The following ABCA3 variants were observed in gnomAD, a reference collection of about 807,000 sequenced individuals.
ABCA3 encodes ATP binding cassette subfamily A member 3, also known as phospholipid-transporting ATPase ABCA3.
A neutral mutation model predicts 172.8 loss-of-function variants in ABCA3; 88 were observed. The observed-to-expected ratio is 0.51, with a 90% CI of 0.43 to 0.61. The LOEUF is 0.61. Among genes scored for constraint, ABCA3 ranks in the 20% least tolerant of loss-of-function variants. The probability of loss-of-function intolerance (pLI) is 0.00; values close to 1 mark genes in which losing one functional copy is unlikely to be tolerated. For missense variants in ABCA3, 2,164 were observed against 2,301.0 expected (o/e 0.94, Z 1.22); for synonymous variants, 1,066 against 983.8 (o/e 1.08, Z -1.56).
In ABCA3 at chr16:2,288,059, G is replaced by A. The variant is rs1201246030; in HGVS notation, c.2971C>T (p.Gln991Ter). ...QLSEHLKDAL[Q>*]AEGQEPREVL... ...TCGCGGGGCTCCTGTCCCTCAGCCT[G>A]CAGTGCGTCTTTCAGATGCTCTGAC... Residue 991 changes from glutamine (Q) to a stop codon, truncating the protein, a stop_gained, in exon 21 of 33, where the codon CAG becomes TAG. Transcript: ENST00000301732. LOFTEE classifies it high-confidence loss of function. 6.2e-7 allele frequency: 1 copy of A among 1,611,786 alleles called. No individual in the cohort carries two copies. Among genetic ancestry groups the A allele is most frequent in the Admixed American group, 1.7e-5 (1 of 60,014 alleles).
intron 19 of ABCA3, among the ~76,000 whole-genome samples, chr16:2,291,847 G>A (rs1214534849): frequency 1.3e-5 from 2 of 152,116 alleles, no homozygotes; most frequent in Non-Finnish European, 2.9e-5. Flanking sequence ...GCCAAGGTGG[G>A]CGGATCACCT....
chr16:2,292,371 G>A lies in ABCA3; in HGVS notation c.2415-133C>T, dbSNP rs964117387. On this transcript the variant is annotated intron_variant, in intron 18 of 32. Coordinates refer to ENST00000301732, the MANE Select transcript of ABCA3 (RefSeq NM_001089.3). ...CCCCAGCACTTTGGGACGCCAAGGC[G>A]GGCGGATCACCTGAGATCAGGAGTT... is the stretch of plus-strand genomic sequence containing the variant. The A allele has an allele frequency of 6.9e-5, 50 of 725,750 alleles. 1 individual carries two copies. Among genetic ancestry groups the A allele is most frequent in the South Asian group, 4.4e-4 (30 of 67,890 alleles). The allele number at this position is 725,750 out of a possible 1,614,324, so 45.0% of individuals were successfully genotyped here. A position where few individuals can be genotyped will look rare whatever the true frequency, so the allele number is the denominator to read the frequency against.
intron 20 of ABCA3, 35 bp downstream of exon 20, chr16:2,289,399 T>TACC: frequency 1.6e-5 from 24 of 1,544,178 alleles, no homozygotes; most frequent in Admixed American, 3.9e-5. Context: ...TGCTCGCCCT[T>TACC]CCCCCGCCAC....
At position 2,284,710 on chromosome 16, in the gene ABCA3, G is replaced by C; in HGVS notation, c.3703+69C>G. The C allele has an allele frequency of 6.6e-7, 1 of 1,512,560 alleles. No individual in the cohort carries two copies. The highest frequency in any genetic ancestry group is 9.0e-7 in the Non-Finnish European group (1 of 1,109,592). The allele number at this position is 1,512,560 out of a possible 1,614,324, so 93.7% of individuals were successfully genotyped here. On this transcript the variant is annotated intron_variant, in intron 24 of 32. Coordinates refer to ENST00000301732, the MANE Select transcript of ABCA3 (RefSeq NM_001089.3). The surrounding 1 kb of genome is among the most constrained non-coding windows in gnomAD (Gnocchi z 5.9). ...GAGTCCCGCCTCGGCTGTGGCTGGTGCCTCCCTGTCTGGGCGGAGTGGCTC... is the reference window on the plus strand; with the variant it reads ...GAGTCCCGCCTCGGCTGTGGCTGGTCCCTCCCTGTCTGGGCGGAGTGGCTC...
rs572593995 is a variant in ABCA3 at position 2,317,892 on chromosome 16, A to G, written c.874-128T>C. ...GCCCTGCATTCGACAGGGTCTTACT[A>G]TGTCGGCCAGGCTCATCTTGCTCAA... On this transcript the variant is annotated intron_variant, in intron 8 of 32. Transcript: ENST00000301732. The G allele has an allele frequency of 7.5e-6, 6 of 804,994 alleles. No homozygotes were observed. In the South Asian group the frequency reaches 9.3e-5, roughly 13 times the overall value. The allele number at this position is 804,994 out of a possible 1,614,324, so 49.9% of individuals were successfully genotyped here.
chr16:2,325,723 G>A (rs2093733096), intron 5 of ABCA3, among the ~76,000 whole-genome samples: 1 of 152,196 alleles, frequency 6.6e-6, no homozygotes, highest in Admixed American at 6.5e-5. Flanking sequence ...TTTCTAACCT[G>A]TTCTGCCCCA....
At chr16:2,298,022 G>A (rs916527218) in intron 15 of ABCA3, 101 bp from the exon 16 acceptor site, 1 of 1,109,028 alleles carries the variant, frequency 9.0e-7, no homozygotes, top group Admixed American at 2.5e-5. Flanking sequence ...GACGTAGCTG[G>A]GGAGATGCAG....
Position 2,283,868 on chromosome 16 carries a change from G to A in ABCA3, c.3862+411C>T, listed in dbSNP as rs1462092688. The A allele has an allele frequency of 4.2e-6, 1 of 238,936 alleles. No individual in the cohort carries two copies. Among genetic ancestry groups the A allele is most frequent in the Non-Finnish European group, 8.2e-6 (1 of 121,528 alleles). 14.8% of individuals were successfully genotyped at this position (238,936 alleles called of 1,614,324 possible). ...TGTCCTTATAAGAGAAATGCAGAAG[G>A]AGATTTGAGACAGGAGACAGGAGCT... On this transcript the variant is annotated intron_variant, in intron 25 of 32. Coordinates refer to ENST00000301732, the MANE Select transcript of ABCA3 (RefSeq NM_001089.3). The surrounding 1 kb of genome is among the most constrained non-coding windows in gnomAD (Gnocchi z 5.4).
chr16:2,330,310 A>T (rs2141745975), intron 1 of ABCA3, among the ~76,000 whole-genome samples: 2 of 145,478 alleles, frequency 1.4e-5, no homozygotes, highest in East Asian at 2.0e-4. Flanking sequence ...AAAAAAGAAT[A>T]TAAGCTCTAT....
chr16:2,325,975 C>G lies in ABCA3; in HGVS notation c.319+35G>C, dbSNP rs776699781. ...CCTGCCCAGCCGCGTGGAGGCACCA[C>G]TAGGCCTGGCACCGAGAGCCCCGGC... is the stretch of plus-strand genomic sequence containing the variant. On this transcript the variant is annotated intron_variant, in intron 5 of 32. Coordinates refer to ENST00000301732, the MANE Select transcript of ABCA3 (RefSeq NM_001089.3). The G allele has an allele frequency of 3.1e-6, 5 of 1,610,926 alleles. No individual in the cohort carries two copies. The Admixed American group carries it at 8.3e-5, about 27-fold the overall frequency.
rs45622939 is a variant in ABCA3, at chr16:2,322,182, G to C, written c.613+1341C>G. ...CACTGCACTCCAGCTTGGCGACAGA[G>C]CAAGATTCTGTCTGAAAAAAAAAAA... On this transcript the variant is annotated intron_variant, in intron 7 of 32. Coordinates refer to ENST00000301732, the MANE Select transcript of ABCA3 (RefSeq NM_001089.3). 6.8e-3 allele frequency among the ~76,000 whole-genome samples: 1,017 copies of C among 149,430 alleles called. 9 individuals carry two copies. Among genetic ancestry groups the C allele is most frequent in the African/African-American group, 0.024 (964 of 40,494 alleles).
At chr16:2,293,079 T>C (rs1369256280) in intron 18 of ABCA3, among the ~76,000 whole-genome samples, 2 of 151,874 alleles carry the variant, frequency 1.3e-5, no homozygotes, top group Non-Finnish European at 2.9e-5. Context: ...TTAGATGGAG[T>C]TTTGCTCTGT....
In ABCA3 at chr16:2,321,131, G is replaced by C. The variant is rs140690359; in HGVS notation, c.614-1291C>G. On this transcript the variant is annotated intron_variant, in intron 7 of 32. Coordinates refer to ENST00000301732, the MANE Select transcript of ABCA3 (RefSeq NM_001089.3). ...TTAGGGAATTGTTCCCCAAAAACAG[G>C]AGGGAGCTGAGCAGCTCCTGCCTGG... Among the ~76,000 whole-genome samples, 949 of 152,202 alleles carry C rather than the reference G, an allele frequency of 6.2e-3. 5 individuals carry two copies. Among genetic ancestry groups the C allele is most frequent in the Non-Finnish European group, 8.9e-3 (605 of 68,010 alleles).
At chr16:2,320,450 C>T (rs146713331) in intron 7 of ABCA3, among the ~76,000 whole-genome samples, 5,274 of 149,714 alleles carry the variant, frequency 0.035, 300 homozygotes, top group African/African-American at 0.12. Context: ...AGTGCAGTGG[C>T]GCGATCTCGG....
chr16:2,317,506 G>A, intron 9 of ABCA3, 103 bp from the exon 10 acceptor site: 2 of 1,592,990 alleles, frequency 1.3e-6, no homozygotes, highest in Non-Finnish European at 8.6e-7. Context: ...ACCGAGAGGA[G>A]TGGGACATTG....
intron 1 of ABCA3, among the ~76,000 whole-genome samples, chr16:2,331,238 G>A (rs1012034239): frequency 6.6e-6 from 1 of 151,594 alleles, no homozygotes; most frequent in African/African-American, 2.4e-5. Context: ...TTCTGAGACA[G>A]AGTCTCGCTC....
chr16:2,279,172 G>A lies in ABCA3; in HGVS notation c.4360-42C>T, dbSNP rs2093651393. On this transcript the variant is annotated intron_variant, in intron 28 of 32. Coordinates refer to ENST00000301732, the MANE Select transcript of ABCA3 (RefSeq NM_001089.3). The surrounding 1 kb of genome is among the most constrained non-coding windows in gnomAD (Gnocchi z 4.4). ...GCCGGGGAGGGAGGCGGGTTGGAGG[G>A]AAGCCTCCTTCCTCCAGAGGACCAC... The A allele has an allele frequency of 6.2e-7, 1 of 1,600,284 alleles. No homozygotes were observed. Among genetic ancestry groups the A allele is most frequent in the African/African-American group, 1.3e-5 (1 of 74,910 alleles).
At chr16:2,301,713 GAA>G (rs79100686) in intron 12 of ABCA3, among the ~76,000 whole-genome samples, 6 of 104,808 alleles carry the variant, frequency 5.7e-5, no homozygotes, top group Admixed American at 9.8e-5. Flanking sequence ...CCGAATCAAA[GAA>G]AAAAAAAAAA....
At position 2,287,104 on chromosome 16, in the gene ABCA3, C is replaced by T; in HGVS notation, c.3005-137G>A. On this transcript the variant is annotated intron_variant, in intron 21 of 32. Transcript: ENST00000301732. The surrounding 1 kb of genome is among the most constrained non-coding windows in gnomAD (Gnocchi z 4.1). ...GAGCTGCCCGCCCCATCACCCTTCT[C>T]CTAAGGAGAGTATAATTTCTGGCAA... 2.1e-6 allele frequency: 2 copies of T among 962,892 alleles called. No individual in the cohort carries two copies. The highest frequency in any genetic ancestry group is 3.1e-6 in the Non-Finnish European group (2 of 653,490). The allele number at this position is 962,892 out of a possible 1,614,324, so 59.6% of individuals were successfully genotyped here. A position where few individuals can be genotyped will look rare whatever the true frequency, so the allele number is the denominator to read the frequency against.
Sources: allele counts gnomAD v4.1 joint callset (sites outside exome capture counted in the v4.1 genomes callset), GRCh38; gene constraint gnomAD v4.1.1; non-coding constraint Gnocchi (gnomAD v3.1); transcripts MANE v1.5; gene names NCBI Gene and HGNC (gene_info 2026-07-23, HGNC 2026-07-21).